Variants in RSBN1L observed in about 807,000 individuals in gnomAD.
RSBN1L encodes the protein lysine-specific demethylase RSBN1L.
Under a neutral mutation model 67.7 loss-of-function variants are expected in RSBN1L, and 30 were observed. The observed-to-expected ratio is 0.44, with a 90% CI of 0.33 to 0.60. The LOEUF (loss-of-function observed/expected upper bound fraction) is 0.60. Ranked by LOEUF, RSBN1L falls within the 20% of genes least tolerant of loss-of-function variation. The pLI, the probability that RSBN1L is intolerant of heterozygous loss-of-function variation, is 0.02. For synonymous variants in RSBN1L, 433 were observed against 387.0 expected (o/e 1.12, Z -1.39); for missense variants, 992 against 1,031.7 (o/e 0.96, Z 0.53).
chr7:77,737,209 G>A (rs975497553), intron 2 of RSBN1L, among the ~76,000 whole-genome samples: 1 of 152,168 alleles, frequency 6.6e-6, no homozygotes, highest in Non-Finnish European at 1.5e-5. Context: ...TCACTCAGAT[G>A]TCAAGGTAAG....
intron 3 of RSBN1L, among the ~76,000 whole-genome samples, chr7:77,763,188 A>G (rs1259746495): frequency 7.2e-6 from 1 of 139,222 alleles, no homozygotes; most frequent in African/African-American, 2.8e-5. Flanking sequence ...TGTGTTGCTC[A>G]GGCAGATCTT....
intron 1 of RSBN1L, among the ~76,000 whole-genome samples, chr7:77,708,404 A>G (rs1035413074): frequency 1.4e-5 from 2 of 146,548 alleles, no homozygotes; most frequent in Non-Finnish European, 1.5e-5. Flanking sequence ...TTTTTTTGAG[A>G]TAAGTCTCGC....
intron 2 of RSBN1L, among the ~76,000 whole-genome samples, chr7:77,739,101 G>A (rs897326095): frequency 1.3e-5 from 2 of 152,198 alleles, no homozygotes; most frequent in Admixed American, 6.5e-5. Context: ...CTACGAGAAA[G>A]AATTTGCTTA....
Position 77,701,165 on chromosome 7 carries a change from A to C in RSBN1L, c.586+4110A>C, listed in dbSNP as rs1321943042. Among the ~76,000 whole-genome samples, 10 of 113,714 alleles carry C rather than the reference A, an allele frequency of 8.8e-5. No homozygotes were observed. In the South Asian group the frequency reaches 1.0e-3, roughly 12 times the overall value. 74.6% of individuals were successfully genotyped at this position (113,714 alleles called of 152,430 possible). A position where few individuals can be genotyped will look rare whatever the true frequency, so the allele number is the denominator to read the frequency against. On this transcript the variant is annotated intron_variant, in intron 1 of 7. Coordinates refer to ENST00000334955, the MANE Select transcript of RSBN1L (RefSeq NM_198467.3). ...AGACTCTGGCTCAAAAAAAAAAAAAAAAAAACAACAACAACAACAACAACA... is the reference window on the plus strand; with the variant it reads ...AGACTCTGGCTCAAAAAAAAAAAAACAAAAACAACAACAACAACAACAACA...
intron 6 of RSBN1L, 100 bp downstream of exon 6, chr7:77,773,414 T>G: frequency 1.2e-6 from 1 of 829,312 alleles, no homozygotes; most frequent in Non-Finnish European, 1.8e-6. Flanking sequence ...GAAAAAAGTT[T>G]CATTTTTTAC....
chr7:77,714,972 A>G (rs1395343547), intron 1 of RSBN1L, among the ~76,000 whole-genome samples: 1 of 151,622 alleles, frequency 6.6e-6, no homozygotes, highest in Non-Finnish European at 1.5e-5. Context: ...AAAAAAAAAA[A>G]AAAAAAATCT....
intron 2 of RSBN1L, among the ~76,000 whole-genome samples, chr7:77,749,014 G>A (rs779458162): frequency 6.6e-6 from 1 of 152,082 alleles, no homozygotes; most frequent in African/African-American, 2.4e-5. Flanking sequence ...CCAGCACTTC[G>A]GGAGGCCGAA....
At chr7:77,750,296 GTTT>G (rs36054297) in intron 3 of RSBN1L, among the ~76,000 whole-genome samples, 346 of 57,408 alleles carry the variant, frequency 6.0e-3, no homozygotes, top group African/African-American at 9.8e-3. Flanking sequence ...AAGATTCTGT[GTTT>G]TTTTTTTTTT....
rs1205172597 is a variant in RSBN1L at position 77,725,435 on chromosome 7, C to T, written c.587-10975C>T. Among the ~76,000 whole-genome samples the T allele has an allele frequency of 2.7e-5, 4 of 148,334 alleles. No individual in the cohort carries two copies. In the East Asian group the frequency reaches 6.0e-4, roughly 22 times the overall value. Reference sequence around the variant, plus strand: ...GCTTATTTTGTATTTTTAGTATGAACGGGGTTTCACCATGTTTGCGAGGCT... The same window carrying T: ...GCTTATTTTGTATTTTTAGTATGAATGGGGTTTCACCATGTTTGCGAGGCT... On this transcript the variant is annotated intron_variant, in intron 1 of 7. Transcript: ENST00000334955.
At chr7:77,773,858 A>G (rs184169878) in intron 6 of RSBN1L, among the ~76,000 whole-genome samples, 2 of 152,332 alleles carry the variant, frequency 1.3e-5, no homozygotes, top group Admixed American at 1.3e-4. Context: ...ACTAGATGTA[A>G]AAAAAATTAA....
intron 1 of RSBN1L, among the ~76,000 whole-genome samples, chr7:77,731,763 A>G (rs1044595369): frequency 2.6e-5 from 4 of 152,010 alleles, no homozygotes; most frequent in African/African-American, 4.8e-5. Flanking sequence ...TGCTGAATCT[A>G]AAAAGTCATT....
At chr7:77,769,143 C>T (rs187911052) in intron 5 of RSBN1L, among the ~76,000 whole-genome samples, 1 of 152,258 alleles carries the variant, frequency 6.6e-6, no homozygotes, top group African/African-American at 2.4e-5. Context: ...ATGGAAAGCC[C>T]TGCTGTGTTC....
At chr7:77,755,540 C>T (rs543405300) in intron 3 of RSBN1L, among the ~76,000 whole-genome samples, 14 of 152,100 alleles carry the variant, frequency 9.2e-5, no homozygotes, top group South Asian at 4.2e-4. Flanking sequence ...GTGGTGGGCA[C>T]CTGTAATCCC....
intron 1 of RSBN1L, among the ~76,000 whole-genome samples, chr7:77,734,685 T>G (rs1450440711): frequency 6.6e-6 from 1 of 152,116 alleles, no homozygotes; most frequent in African/African-American, 2.4e-5. Context: ...GATGGGGTTT[T>G]GTCACATTGA....
chr7:77,716,498 C>T (rs1221993471), intron 1 of RSBN1L, among the ~76,000 whole-genome samples: 2 of 143,926 alleles, frequency 1.4e-5, no homozygotes, highest in East Asian at 2.0e-4. Context: ...GAGAATTATT[C>T]TGTAAAGTTC....
chr7:77,724,432 CTTTTTTT>C lies in RSBN1L; in HGVS notation c.587-11969_587-11963del, dbSNP rs557313211. Among the ~76,000 whole-genome samples, 551 of 136,422 alleles carry C rather than the reference CTTTTTTT, an allele frequency of 4.0e-3. 6 individuals are homozygous for C. The highest frequency in any genetic ancestry group is 0.013 in the African/African-American group (472 of 37,500). The allele number at this position is 136,422 out of a possible 152,430, so 89.5% of individuals were successfully genotyped here. A position where few individuals can be genotyped will look rare whatever the true frequency, so the allele number is the denominator to read the frequency against. On this transcript the variant is annotated intron_variant, in intron 1 of 7. Coordinates refer to ENST00000334955, the MANE Select transcript of RSBN1L (RefSeq NM_198467.3). ...ATGAATCCCTTTCTTTTTCTTTTTTCTTTTTTTTTTTTTTTGAGAGTCTCACTCTGTT... is the reference window on the plus strand; with the variant it reads ...ATGAATCCCTTTCTTTTTCTTTTTTCTTTTTTTTGAGAGTCTCACTCTGTT...
intron 1 of RSBN1L, among the ~76,000 whole-genome samples, chr7:77,725,677 C>T (rs1000312259): frequency 1.3e-5 from 2 of 150,918 alleles, no homozygotes; most frequent in Non-Finnish European, 3.0e-5. Flanking sequence ...GCCCTTGTTG[C>T]TCAGGCTGGG....
chr7:77,770,774 A>G (rs1274720050), intron 5 of RSBN1L, among the ~76,000 whole-genome samples: 1 of 152,198 alleles, frequency 6.6e-6, no homozygotes. Flanking sequence ...ATGTAGAGTA[A>G]TGTATCTAAT....
intron 1 of RSBN1L, among the ~76,000 whole-genome samples, chr7:77,724,432 CTTT>C (rs557313211): frequency 1.5e-5 from 2 of 136,430 alleles, no homozygotes. Flanking sequence ...TTTCTTTTTT[CTTT>C]TTTTTTTTTT....
Sources: allele counts gnomAD v4.1 joint callset (sites outside exome capture counted in the v4.1 genomes callset), GRCh38; gene constraint gnomAD v4.1.1; transcripts MANE v1.5; gene names NCBI Gene and HGNC (gene_info 2026-07-23, HGNC 2026-07-21).